Variants in ANKRD30A observed in about 807,000 individuals in gnomAD.
ANKRD30A encodes ankyrin repeat domain-containing protein 30A.
ANKRD30A carries 170 observed loss-of-function variants against 166.3 expected under a neutral mutation model. That is an observed-to-expected ratio of 1.02 (90% CI 0.90 to 1.16). The LOEUF (loss-of-function observed/expected upper bound fraction) is 1.16. Among genes scored for constraint, ANKRD30A ranks in the 50% most tolerant of loss-of-function variants. The pLI, the probability that ANKRD30A is intolerant of heterozygous loss-of-function variation, is 0.00. For missense variants in ANKRD30A, 1,630 were observed against 1,518.0 expected, an observed-to-expected ratio of 1.07 and a Z score of -1.23; for synonymous variants, 564 against 508.9, an observed-to-expected ratio of 1.11 and a Z score of -1.46.
chr10:37,130,203 A>G lies in ANKRD30A; in HGVS notation c.337-2A>G, dbSNP rs1410048229. ...CAATAATTCTTGCTTTAATACTGAC[A>G]GGCTCTACAATGCCATCAGGAGGCT... On this transcript the variant is annotated splice_acceptor_variant, in intron 2 of 35. Transcript: ENST00000361713. LOFTEE classifies it high-confidence loss of function. The G allele has an allele frequency of 1.3e-6, 2 of 1,570,694 alleles. No homozygotes were observed. Among genetic ancestry groups the G allele is most frequent in the Non-Finnish European group, 1.7e-6 (2 of 1,161,462 alleles).
intron 17 of ANKRD30A, among the ~76,000 whole-genome samples, chr10:37,164,609 A>G (rs192154455): frequency 1.1e-3 from 163 of 152,298 alleles, no homozygotes; most frequent in African/African-American, 3.8e-3. Context: ...GGTTGGAAAT[A>G]TAGTTGACTG....
chr10:37,152,149 A>C (rs373632677), intron 12 of ANKRD30A, 28 bp downstream of exon 12: 3 of 1,530,136 alleles, frequency 2.0e-6, no homozygotes, highest in Admixed American at 1.7e-5. Flanking sequence ...TTTTTTTTTA[A>C]TATTAGTATT....
At chr10:37,211,545 T>G (rs540026420) in intron 31 of ANKRD30A, among the ~76,000 whole-genome samples, 16 of 152,326 alleles carry the variant, frequency 1.1e-4, no homozygotes, top group Non-Finnish European at 2.4e-4. Flanking sequence ...GTTGGACATT[T>G]GTGTTGGTTC....
Position 37,178,344 on chromosome 10 carries a change from A to T in ANKRD30A, c.2421+2126A>T, listed in dbSNP as rs1450326073. The T allele has an allele frequency of 3.5e-5, 9 of 259,922 alleles. 1 individual carries two copies. Among genetic ancestry groups the T allele is most frequent in the African/African-American group, 1.6e-4 (7 of 43,918 alleles). The allele number at this position is 259,922 out of a possible 1,614,324, so 16.1% of individuals were successfully genotyped here. On this transcript the variant is annotated intron_variant, in intron 24 of 35. Coordinates refer to ENST00000361713, the MANE Select transcript of ANKRD30A (RefSeq NM_052997.3). ...ATCTGCACGGCCACACATGTATATA[A>T]ATTGTCATATACACTCCGTATAGAC...
At chr10:37,208,983 AGTCTTTTCAT>A (rs987669064) in intron 31 of ANKRD30A, among the ~76,000 whole-genome samples, 1 of 152,102 alleles carries the variant, frequency 6.6e-6, no homozygotes, top group Non-Finnish European at 1.5e-5. Flanking sequence ...TATGCATTTA[AGTCTTTTCAT>A]GTCTTTTCAT....
chr10:37,153,961 A>G (rs17606193), intron 13 of ANKRD30A, among the ~76,000 whole-genome samples: 3 of 152,320 alleles, frequency 2.0e-5, no homozygotes, highest in South Asian at 2.1e-4. Context: ...GAAAGACAGA[A>G]CGTACAGAGA....
intron 6 of ANKRD30A, among the ~76,000 whole-genome samples, chr10:37,139,749 G>A (rs1365584602): frequency 6.6e-6 from 1 of 152,170 alleles, no homozygotes; most frequent in East Asian, 1.9e-4. Context: ...TGATTGTAGA[G>A]ACATGGTCTC....
At position 37,130,325 on chromosome 10, in the gene ANKRD30A, T is replaced by C. The variant is rs1211251186; in HGVS notation, c.457T>C (p.Ser153Pro). The C allele has an allele frequency of 1.1e-5, 18 of 1,587,818 alleles. No individual in the cohort carries two copies. The highest frequency in any genetic ancestry group is 4.3e-6 in the Non-Finnish European group (5 of 1,167,848). Residue 153 changes from serine to proline, a missense_variant, in exon 3 of 36, where the codon TCA becomes CCA. Coordinates refer to ENST00000361713, the MANE Select transcript of ANKRD30A (RefSeq NM_052997.3). ...TTATGCTGTTTATAGTGAGATTTTG[T>C]CAGTGGTGGCAAAACTGCTGTCCCA... ...LHYAVYSEIL[S>P]VVAKLLSHGA...
chr10:37,191,217 T>G (rs1840545970), intron 25 of ANKRD30A, among the ~76,000 whole-genome samples: 1 of 152,070 alleles, frequency 6.6e-6, no homozygotes, highest in African/African-American at 2.4e-5. Context: ...GATATTGAGA[T>G]GAGTAAGCTA....
intron 34 of ANKRD30A, among the ~76,000 whole-genome samples, chr10:37,227,049 A>G (rs1027240059): frequency 6.6e-6 from 1 of 151,870 alleles, no homozygotes; most frequent in Non-Finnish European, 1.5e-5. Flanking sequence ...TGTTCTTTAT[A>G]TATCCTAAAT....
At chr10:37,248,049 G>T in the ANKRD30A span, 1 of 396,944 alleles carries the variant, frequency 2.5e-6, no homozygotes, top group Non-Finnish European at 4.9e-6. Context: ...AAATCATGTG[G>T]TAGAAGGGAA....
chr10:37,237,475 C>T (rs1357534216), downstream of ANKRD30A, among the ~76,000 whole-genome samples: 19 of 152,126 alleles, frequency 1.2e-4, no homozygotes, highest in Non-Finnish European at 1.5e-5. Flanking sequence ...ACTGCTATGT[C>T]CTCTGTAGTA....
At chr10:37,158,643 T>C in intron 15 of ANKRD30A, 57 bp downstream of exon 15, 1 of 1,594,894 alleles carries the variant, frequency 6.3e-7, no homozygotes, top group East Asian at 2.2e-5. Context: ...ATATTTGAAA[T>C]GCTGTGAGAC....
rs1256727597 is a variant in ANKRD30A at position 37,125,796 on chromosome 10, G to T, written c.9G>T (p.Glu3Asp). ME[E>D]ISAAAVKVVP... ...AGCAGGTGGCCGCAGCCATGGAGGA[G>T]ATCTCTGCCGCCGCTGTCAAGGTCG... Residue 3 changes from glutamate to aspartate, a missense_variant, in exon 1 of 36, where the codon GAG becomes GAT. By Grantham distance (45) the Glu-to-Asp change is conservative. This residue lies in a region of ANKRD30A where 904 missense variants were observed against 818.5 expected (regional missense o/e 1.10). Transcript: ENST00000361713. 1 of 696,012 alleles carries T rather than the reference G, an allele frequency of 1.4e-6. No homozygotes were observed. Among genetic ancestry groups the T allele is most frequent in the East Asian group, 2.7e-5 (1 of 36,598 alleles). 43.1% of individuals were successfully genotyped at this position (696,012 alleles called of 1,614,324 possible).
rs377229344 is a variant in ANKRD30A, at chr10:37,214,187, G to A, written c.2870-1994G>A. ...TTTGTTTATTGCTGGTAATATTTTT[G>A]CTATGAAATGTACTTTGGTATTAAT... is the stretch of plus-strand genomic sequence containing the variant. On this transcript the variant is annotated intron_variant, in intron 31 of 35. Coordinates refer to ENST00000361713, the MANE Select transcript of ANKRD30A (RefSeq NM_052997.3). Among the ~76,000 whole-genome samples the A allele has an allele frequency of 2.0e-5, 3 of 151,474 alleles. No homozygotes were observed. The East Asian group carries it at 5.8e-4, about 29-fold the overall frequency.
At chr10:37,205,964 G>T (rs1841966834) in intron 31 of ANKRD30A, among the ~76,000 whole-genome samples, 1 of 152,248 alleles carries the variant, frequency 6.6e-6, no homozygotes, top group Non-Finnish European at 1.5e-5. Context: ...ACATAACAGA[G>T]TCAAGGGAAA....
chr10:37,190,821 G>A (rs1352839771), intron 25 of ANKRD30A, among the ~76,000 whole-genome samples: 1 of 150,372 alleles, frequency 6.7e-6, no homozygotes, highest in Non-Finnish European at 1.5e-5. Flanking sequence ...TCAATATATA[G>A]ATATATATAT....
chr10:37,241,520 G>C, the ANKRD30A span, among the ~76,000 whole-genome samples: 6 of 151,842 alleles, frequency 4.0e-5, no homozygotes, highest in Non-Finnish European at 7.4e-5. Context: ...GTATTATTGA[G>C]TTTTACATAC....
In ANKRD30A at chr10:37,165,173, T is replaced by C. The variant is rs753095732; in HGVS notation, c.2064+18T>C. 2.5e-6 allele frequency: 4 copies of C among 1,586,990 alleles called. No individual in the cohort carries two copies. The highest frequency in any genetic ancestry group is 1.7e-4 in the Middle Eastern group (1 of 5,994). ...ATACTGAGGTACTGTGTGTTGTTGA[T>C]TTTTTTAAATATTAGTATTGCATGA... On this transcript the variant is annotated intron_variant, in intron 18 of 35. Coordinates refer to ENST00000361713, the MANE Select transcript of ANKRD30A (RefSeq NM_052997.3).
Sources: gnomAD v4.1 joint callset for allele counts (sites outside exome capture counted in the v4.1 genomes callset) on GRCh38, gnomAD v4.1.1 for gene constraint, gnomAD v4.1.1 regional missense constraint, MANE v1.5 for transcripts, NCBI Gene and HGNC (gene_info 2026-07-23, HGNC 2026-07-21) for gene names.